FIG4: variants seen among roughly 807,000 people sequenced by gnomAD.
FIG4 encodes polyphosphoinositide phosphatase.
A neutral mutation model predicts 118.6 loss-of-function variants in FIG4; 112 were observed. That is an observed-to-expected ratio of 0.94 (90% CI 0.81 to 1.11). The LOEUF is 1.11. Ranked by LOEUF, FIG4 falls within the 50% of genes least tolerant of loss-of-function variation. The probability of loss-of-function intolerance (pLI) is 0.00; values close to 1 mark genes in which losing one functional copy is unlikely to be tolerated. For synonymous variants in FIG4, 369 were observed against 381.2 expected (o/e 0.97, Z 0.37); for missense variants, 969 against 1,111.7 (o/e 0.87, Z 1.83).
At chr6:109,719,650 T>TC (rs1775547035) in intron 3 of FIG4, among the ~76,000 whole-genome samples, 1 of 152,168 alleles carries the variant, frequency 6.6e-6, no homozygotes, top group Non-Finnish European at 1.5e-5. Flanking sequence ...TGCCTTGGCC[T>TC]CCCAAAGTGT....
intron 8 of FIG4, among the ~76,000 whole-genome samples, chr6:109,741,964 G>A (rs1361594485): frequency 6.6e-6 from 1 of 152,040 alleles, no homozygotes; most frequent in Non-Finnish European, 1.5e-5. Context: ...TCTGAGATTG[G>A]TTGACTCTGT....
At chr6:109,741,582 C>A in intron 8 of FIG4, 38 bp downstream of exon 8, 2 of 1,241,688 alleles carry the variant, frequency 1.6e-6, no homozygotes, top group South Asian at 1.2e-5. Flanking sequence ...ACCTTTTAAC[C>A]TTTTATATCA....
chr6:109,734,527 A>G (rs1446375933), intron 5 of FIG4, among the ~76,000 whole-genome samples: 1 of 151,390 alleles, frequency 6.6e-6, no homozygotes, highest in Non-Finnish European at 1.5e-5. Flanking sequence ...AGCTATATAT[A>G]TAAAGAGAGC....
intron 5 of FIG4, 132 bp from the exon 6 acceptor site, chr6:109,735,018 A>C (rs1583663302): frequency 1.3e-6 from 1 of 774,656 alleles, no homozygotes; most frequent in Non-Finnish European, 2.2e-6. Flanking sequence ...GCTTATTTGA[A>C]TAGCATTGCT....
At chr6:109,763,393 C>A (rs1298415334) in intron 12 of FIG4, among the ~76,000 whole-genome samples, 1 of 115,472 alleles carries the variant, frequency 8.7e-6, no homozygotes, top group African/African-American at 4.4e-5. Flanking sequence ...ATATTAACAT[C>A]ATCTATAGTA....
rs115166932 is a variant in FIG4, at chr6:109,762,585, A to G, written c.1388+378A>G. Among the ~76,000 whole-genome samples the G allele has an allele frequency of 7.0e-3, 1,056 of 149,840 alleles. 9 individuals are homozygous for G. Among genetic ancestry groups the G allele is most frequent in the African/African-American group, 0.024 (989 of 40,658 alleles). On this transcript the variant is annotated intron_variant, in intron 12 of 22. Transcript: ENST00000230124. ...TTGTATTATAGTTATTCGCTCACAAATCTTTTATTACTATTTTGGGAGCTT... is the reference window on the plus strand; with the variant it reads ...TTGTATTATAGTTATTCGCTCACAAGTCTTTTATTACTATTTTGGGAGCTT...
intron 22 of FIG4, among the ~76,000 whole-genome samples, chr6:109,820,898 G>A (rs1778987717): frequency 6.6e-6 from 1 of 152,204 alleles, no homozygotes; most frequent in Non-Finnish European, 1.5e-5. Flanking sequence ...ATAGCAGTGT[G>A]TGTGCAAGAG....
At chr6:109,762,414 A>G (rs1012692592) in intron 12 of FIG4, among the ~76,000 whole-genome samples, 1 of 151,818 alleles carries the variant, frequency 6.6e-6, no homozygotes. Flanking sequence ...AAGCCATGGG[A>G]TCTGCATCTC....
intron 22 of FIG4, among the ~76,000 whole-genome samples, chr6:109,806,000 A>G (rs1778554257): frequency 6.6e-6 from 1 of 152,172 alleles, no homozygotes; most frequent in Non-Finnish European, 1.5e-5. Context: ...AAAAAACAAA[A>G]AATGTAATTT....
rs559645592 is a variant in FIG4, at chr6:109,745,178, A to G, written c.1137+1406A>G. 1.3e-4 allele frequency among the ~76,000 whole-genome samples: 20 copies of G among 152,226 alleles called. No individual in the cohort carries two copies. In the East Asian group the frequency reaches 3.5e-3, roughly 26 times the overall value. ...ACCCAGTAATGGGATTGCTGGGTCA[A>G]ATGGTATTTCTAGTTCTAGATCCTT... On this transcript the variant is annotated intron_variant, in intron 10 of 22. Transcript: ENST00000230124.
chr6:109,758,085 T>G (rs1290796720), intron 10 of FIG4, among the ~76,000 whole-genome samples: 1 of 152,184 alleles, frequency 6.6e-6, no homozygotes, highest in Admixed American at 6.5e-5. Flanking sequence ...ACCATTGACT[T>G]TCTTCACAGA....
intron 1 of FIG4, among the ~76,000 whole-genome samples, chr6:109,707,448 T>C (rs1371768886): frequency 2.0e-5 from 3 of 148,778 alleles, no homozygotes; most frequent in Non-Finnish European, 3.0e-5. Context: ...TACATATATA[T>C]ACACATATAT....
chr6:109,743,373 T>C, intron 9 of FIG4, 101 bp downstream of exon 9: 5 of 1,172,002 alleles, frequency 4.3e-6, no homozygotes, highest in Non-Finnish European at 6.4e-6. Flanking sequence ...TTTCAGGAGG[T>C]TTTAGTCCTG....
At chr6:109,760,817 A>G (rs546287667) in intron 11 of FIG4, among the ~76,000 whole-genome samples, 7 of 152,202 alleles carry the variant, frequency 4.6e-5, no homozygotes, top group African/African-American at 1.7e-4. Flanking sequence ...ATTTATCCCA[A>G]GGGCTGTTCT....
In FIG4 at chr6:109,795,095, G is replaced by GTTT. The variant is rs571649446; in HGVS notation, c.2460-1632_2460-1630dup. Among the ~76,000 whole-genome samples, 427 of 57,242 alleles carry GTTT rather than the reference G, an allele frequency of 7.5e-3. 149 individuals are homozygous for GTTT. The highest frequency in any genetic ancestry group is 0.013 in the Non-Finnish European group (369 of 28,704). The allele number at this position is 57,242 out of a possible 152,430, so 37.6% of individuals were successfully genotyped here. A position where few individuals can be genotyped will look rare whatever the true frequency, so the allele number is the denominator to read the frequency against. ...TCCTCAAAGCTTCATACACTTGCCA[G>GTTT]TTTTTTTTTTTTTTTTTTTTTTTTT... is the stretch of plus-strand genomic sequence containing the variant. On this transcript the variant is annotated intron_variant, in intron 21 of 22. Transcript: ENST00000230124.
chr6:109,777,208 G>T (rs1583718661), intron 16 of FIG4, 148 bp downstream of exon 16: 1 of 659,730 alleles, frequency 1.5e-6, no homozygotes. Flanking sequence ...GTACGTAGTA[G>T]GTGTATATTT....
intron 10 of FIG4, among the ~76,000 whole-genome samples, chr6:109,750,245 T>A (rs896584628): frequency 6.6e-6 from 1 of 152,230 alleles, no homozygotes. Flanking sequence ...TGCTACTGTA[T>A]CAACAGAAGG....
intron 10 of FIG4, among the ~76,000 whole-genome samples, chr6:109,750,894 A>G (rs1284078416): frequency 6.6e-6 from 1 of 152,182 alleles, no homozygotes; most frequent in Non-Finnish European, 1.5e-5. Flanking sequence ...TTGATTTTAA[A>G]TGCTTTTGAG....
intron 19 of FIG4, among the ~76,000 whole-genome samples, 188 bp from the exon 20 acceptor site, chr6:109,791,188 T>C (rs1364238115): frequency 6.6e-6 from 1 of 152,220 alleles, no homozygotes; most frequent in Non-Finnish European, 1.5e-5. Flanking sequence ...CTTATATTCA[T>C]ATAAGGTCAG....
Sources: gnomAD v4.1 joint callset for allele counts (sites outside exome capture counted in the v4.1 genomes callset) on GRCh38, gnomAD v4.1.1 for gene constraint, MANE v1.5 for transcripts, NCBI Gene and HGNC (gene_info 2026-07-23, HGNC 2026-07-21) for gene names.